The following PRR16 variants were observed in gnomAD, a reference collection of about 807,000 sequenced individuals.
PRR16 encodes protein Largen.
In PRR16, 6 loss-of-function variants were observed where a neutral mutation model predicts 18.2. That is an observed-to-expected ratio of 0.33 (90% confidence interval 0.18 to 0.65). PRR16 has a LOEUF of 0.65. PRR16 is among the 30% of genes least tolerant of loss of function. The probability of loss-of-function intolerance (pLI) is 0.74; values close to 1 mark genes in which losing one functional copy is unlikely to be tolerated. For missense variants in PRR16, 412 were observed against 376.6 expected (o/e 1.09, Z -0.78); for synonymous variants, 151 against 147.8 (o/e 1.02, Z -0.16).
intron 1 of PRR16, among the ~76,000 whole-genome samples, chr5:120,602,319 T>C (rs921674345): frequency 6.6e-6 from 1 of 152,046 alleles, no homozygotes; most frequent in African/African-American, 2.4e-5. Context: ...ATTCTTTTCA[T>C]GGCTATTGTA....
downstream of PRR16, among the ~76,000 whole-genome samples, chr5:120,690,677 A>G (rs1043462948): frequency 5.9e-5 from 9 of 152,208 alleles, no homozygotes; most frequent in African/African-American, 2.2e-4. Context: ...TGTTTACAGT[A>G]AACATTTTGG....
intron 1 of PRR16, among the ~76,000 whole-genome samples, chr5:120,600,979 A>G (rs983052205): frequency 1.3e-5 from 2 of 152,060 alleles, no homozygotes; most frequent in South Asian, 2.1e-4. Context: ...ACCATTAATG[A>G]GCATGTAGGT....
the PRR16 span, among the ~76,000 whole-genome samples, chr5:120,724,037 C>T: frequency 6.6e-6 from 1 of 150,972 alleles, no homozygotes; most frequent in Admixed American, 6.6e-5. Context: ...GCAATATTTT[C>T]TTCCAGTCTT....
intron 1 of PRR16, among the ~76,000 whole-genome samples, chr5:120,566,599 T>C (rs1338031720): frequency 1.3e-5 from 2 of 150,888 alleles, no homozygotes; most frequent in Non-Finnish European, 3.0e-5. Context: ...GATTTCAGAA[T>C]ATCAATTTAT....
the PRR16 span, among the ~76,000 whole-genome samples, chr5:120,759,595 G>T: frequency 3.3e-5 from 5 of 152,068 alleles, no homozygotes; most frequent in Non-Finnish European, 5.9e-5. Context: ...TTATGATATT[G>T]TAATGGTGGA....
intron 1 of PRR16, among the ~76,000 whole-genome samples, chr5:120,561,528 C>G (rs1410058830): frequency 2.6e-5 from 4 of 152,128 alleles, no homozygotes; most frequent in African/African-American, 9.6e-5. Flanking sequence ...TTGTTTTGTT[C>G]CCTAACATAC....
At chr5:120,777,553 T>C in the PRR16 span, among the ~76,000 whole-genome samples, 13,109 of 149,012 alleles carry the variant, frequency 0.088, 755 homozygotes, top group Middle Eastern at 0.16. Flanking sequence ...CTTTATGGTT[T>C]ATTATGAAGC....
the PRR16 span, among the ~76,000 whole-genome samples, chr5:120,725,516 C>A: frequency 6.6e-6 from 1 of 151,854 alleles, no homozygotes; most frequent in Admixed American, 6.6e-5. Flanking sequence ...CACACACACA[C>A]CCACACTCAC....
intron 1 of PRR16, among the ~76,000 whole-genome samples, chr5:120,510,096 G>C (rs1750783332): frequency 6.6e-6 from 1 of 152,050 alleles, no homozygotes; most frequent in South Asian, 2.1e-4. Flanking sequence ...CACAAAACTG[G>C]GTAAATACAC....
At chr5:120,677,405 C>G (rs1340228441) in intron 1 of PRR16, among the ~76,000 whole-genome samples, 1 of 152,152 alleles carries the variant, frequency 6.6e-6, no homozygotes, top group Non-Finnish European at 1.5e-5. Flanking sequence ...AGTTCTTTTA[C>G]CGACCAGCAT....
chr5:120,586,130 G>T (rs1379607116), intron 1 of PRR16, among the ~76,000 whole-genome samples: 1 of 150,904 alleles, frequency 6.6e-6, no homozygotes. Context: ...CTGAGATTGT[G>T]CCACTGCACT....
chr5:120,653,610 C>G (rs776492598), intron 1 of PRR16, among the ~76,000 whole-genome samples: 2 of 151,900 alleles, frequency 1.3e-5, no homozygotes, highest in African/African-American at 2.4e-5. Flanking sequence ...GCACTGATTA[C>G]CATTTATTTG....
Position 120,485,322 on chromosome 5 carries a change from T to A in PRR16, c.159+20677T>A, listed in dbSNP as rs1462743105. Among the ~76,000 whole-genome samples, 7 of 152,192 alleles carry A rather than the reference T, an allele frequency of 4.6e-5. No homozygotes were observed. The East Asian group carries it at 1.3e-3, about 29-fold the overall frequency. On this transcript the variant is annotated intron_variant, in intron 1 of 1. Coordinates refer to ENST00000407149, the MANE Select transcript of PRR16 (RefSeq NM_001300783.2). ...GTTTTGCATGATTCCAGAAAAATTA[T>A]TAGGATAAATATTGATCATCCTGTT... is the stretch of plus-strand genomic sequence containing the variant.
the PRR16 span, among the ~76,000 whole-genome samples, chr5:120,779,302 A>T: frequency 6.6e-6 from 1 of 152,232 alleles, no homozygotes; most frequent in African/African-American, 2.4e-5. Flanking sequence ...AGTTTTCAAA[A>T]ACATTTTTGG....
At chr5:120,764,457 T>C in the PRR16 span, among the ~76,000 whole-genome samples, 1 of 152,072 alleles carries the variant, frequency 6.6e-6, no homozygotes, top group East Asian at 1.9e-4. Context: ...GGGTTTACTT[T>C]GCTAGTATTT....
the PRR16 span, among the ~76,000 whole-genome samples, chr5:120,785,572 G>GTTTTTTTTTTTT: frequency 0.027 from 3,233 of 119,252 alleles, 482 homozygotes; most frequent in South Asian, 0.039. Flanking sequence ...TTTTGTTGTT[G>GTTTTTTTTTTTT]TTGTTTTTTT....
At chr5:120,510,147 C>G (rs1172106769) in intron 1 of PRR16, among the ~76,000 whole-genome samples, 1 of 152,118 alleles carries the variant, frequency 6.6e-6, no homozygotes, top group Admixed American at 6.6e-5. Context: ...TGTGCCCTGT[C>G]TTTTGTCATT....
the PRR16 span, among the ~76,000 whole-genome samples, chr5:120,778,917 G>A: frequency 5.3e-5 from 8 of 152,204 alleles, no homozygotes; most frequent in African/African-American, 1.4e-4. Flanking sequence ...GTTATTACTT[G>A]TTTCAAGTAA....
chr5:120,770,984 CTATT>C, the PRR16 span, among the ~76,000 whole-genome samples: 18 of 146,120 alleles, frequency 1.2e-4, 1 homozygote, highest in East Asian at 3.5e-3. Flanking sequence ...TGCATCTTTT[CTATT>C]TATTTGAATG....
Sources: gnomAD v4.1 joint callset for allele counts (sites outside exome capture counted in the v4.1 genomes callset) on GRCh38, gnomAD v4.1.1 for gene constraint, MANE v1.5 for transcripts, NCBI Gene and HGNC (gene_info 2026-07-23, HGNC 2026-07-21) for gene names.